Variants in ACTN2 observed in about 807,000 individuals in gnomAD.
The protein encoded by ACTN2 is alpha-actinin-2.
ACTN2 carries 39 observed loss-of-function variants against 113.8 expected under a neutral mutation model. The ratio of observed to expected loss-of-function variants is 0.34; its 90% CI spans 0.27 to 0.45. The LOEUF is 0.45. ACTN2 is among the 20% of genes least tolerant of loss of function. The pLI, the probability that ACTN2 is intolerant of heterozygous loss-of-function variation, is 1.00. For missense variants in ACTN2, 992 were observed against 1,177.9 expected (o/e 0.84, Z 2.31); for synonymous variants, 429 against 444.1 (o/e 0.97, Z 0.43).
chr1:236,725,287 G>A (rs1266773655), intron 4 of ACTN2, among the ~76,000 whole-genome samples: 1 of 152,106 alleles, frequency 6.6e-6, no homozygotes, highest in East Asian at 1.9e-4. Flanking sequence ...CCGAATAATA[G>A]GTGCCCCCAG....
chr1:236,724,019 C>A (rs1297772608), intron 4 of ACTN2, among the ~76,000 whole-genome samples: 4 of 152,116 alleles, frequency 2.6e-5, no homozygotes. Flanking sequence ...CTTTCCAGGC[C>A]TTTATAAAAA....
chr1:236,737,861 G>A (rs1249070035), intron 9 of ACTN2, among the ~76,000 whole-genome samples: 1 of 152,178 alleles, frequency 6.6e-6, no homozygotes, highest in African/African-American at 2.4e-5. Flanking sequence ...CGACTACGCA[G>A]TATCCTCGCT....
rs1276093203 is a variant in ACTN2 at position 236,743,714 on chromosome 1, C to G, written c.1255+671C>G. On this transcript the variant is annotated intron_variant, in intron 11 of 20. Transcript: ENST00000366578. ...TCTATGGTTTTTGCTTTTATTGTTG[C>G]TTGATTTTTAATATTTCATAGACAG... Among the ~76,000 whole-genome samples the G allele has an allele frequency of 2.0e-5, 3 of 151,856 alleles. No homozygotes were observed. In the East Asian group the frequency reaches 5.8e-4, roughly 29 times the overall value.
chr1:236,759,675 C>T (rs1659650071), intron 18 of ACTN2, 49 bp from the exon 19 acceptor site: 2 of 1,517,940 alleles, frequency 1.3e-6, no homozygotes, highest in African/African-American at 1.4e-5. Flanking sequence ...AGTAGAGTTG[C>T]TCATCTTGCC....
At position 236,751,672 on chromosome 1, in the gene ACTN2, G is replaced by C. The variant is rs1355785096; in HGVS notation, c.1839+20G>C. On this transcript the variant is annotated intron_variant, in intron 15 of 20. Coordinates refer to ENST00000366578, the MANE Select transcript of ACTN2 (RefSeq NM_001103.4). Reference sequence around the variant, plus strand: ...GACAAGGTGGGTGGCTGAGGGCCTGGTGTGGGACCAGGGGGCATTCTTGAA... The same window carrying C: ...GACAAGGTGGGTGGCTGAGGGCCTGCTGTGGGACCAGGGGGCATTCTTGAA... The C allele has an allele frequency of 6.2e-7, 1 of 1,613,878 alleles. No homozygotes were observed. The highest frequency in any genetic ancestry group is 1.7e-5 in the Admixed American group (1 of 60,022).
chr1:236,687,008 C>T (rs1048283427), intron 1 of ACTN2, among the ~76,000 whole-genome samples: 1 of 151,682 alleles, frequency 6.6e-6, no homozygotes, highest in African/African-American at 2.4e-5. Flanking sequence ...TGTGTGCGCG[C>T]GCGCTAGCAG....
intron 4 of ACTN2, among the ~76,000 whole-genome samples, chr1:236,721,022 G>GTTTTTTTTTTTTTTTTTTTTTT (rs869077774): frequency 7.5e-5 from 5 of 66,506 alleles, no homozygotes; most frequent in East Asian, 4.3e-4. Flanking sequence ...TTTGTTTTTT[G>GTTTTTTTTTTTTTTTTTTTTTT]TTTTTTTTTT....
intron 9 of ACTN2, among the ~76,000 whole-genome samples, 165 bp from the exon 10 acceptor site, chr1:236,739,137 G>A (rs1281383256): frequency 2.0e-5 from 3 of 152,026 alleles, no homozygotes; most frequent in Admixed American, 6.6e-5. Context: ...GGCCATGGGC[G>A]GACACTGAAC....
intron 4 of ACTN2, among the ~76,000 whole-genome samples, chr1:236,721,273 G>A (rs1487854098): frequency 4.0e-5 from 6 of 151,830 alleles, no homozygotes; most frequent in Admixed American, 6.6e-5. Flanking sequence ...TGATCCGCCC[G>A]CCTCAGCCTC....
intron 1 of ACTN2, among the ~76,000 whole-genome samples, chr1:236,695,373 C>G (rs55750424): frequency 9.3e-6 from 1 of 107,306 alleles, no homozygotes; most frequent in Admixed American, 1.1e-4. Flanking sequence ...GTGAGACTGT[C>G]TCAAAAAAAA....
chr1:236,733,954 T>A (rs1407558920), intron 7 of ACTN2, among the ~76,000 whole-genome samples: 1 of 152,206 alleles, frequency 6.6e-6, no homozygotes, highest in Non-Finnish European at 1.5e-5. Context: ...TTTACAAGGT[T>A]GTAAAAATTG....
chr1:236,751,297 G>C (rs937368534), intron 14 of ACTN2, among the ~76,000 whole-genome samples, 173 bp from the exon 15 acceptor site: 1 of 151,990 alleles, frequency 6.6e-6, no homozygotes, highest in African/African-American at 2.4e-5. Context: ...CATTTTCCAG[G>C]AACTTGACTT....
chr1:236,717,640 C>T (rs1029315819), intron 1 of ACTN2, among the ~76,000 whole-genome samples: 5 of 152,104 alleles, frequency 3.3e-5, no homozygotes, highest in Non-Finnish European at 4.4e-5. Context: ...GTTGGAATAT[C>T]CAATAAGAGA....
intron 15 of ACTN2, 23 bp downstream of exon 15, chr1:236,751,675 T>C: frequency 1.9e-6 from 3 of 1,613,684 alleles, no homozygotes; most frequent in Non-Finnish European, 2.5e-6. Flanking sequence ...GGGCCTGGTG[T>C]GGGACCAGGG....
intron 4 of ACTN2, among the ~76,000 whole-genome samples, chr1:236,724,751 A>T (rs935380421): frequency 2.6e-5 from 4 of 151,636 alleles, no homozygotes; most frequent in Non-Finnish European, 5.9e-5. Context: ...CTGGCACGTC[A>T]GTTGCCTGCC....
rs2102922642 is a variant in ACTN2 at position 236,739,481 on chromosome 1, G to A, written c.1056G>A (p.Leu352=). 2 of 1,614,190 alleles carry A rather than the reference G, an allele frequency of 1.2e-6. No homozygotes were observed. The highest frequency in any genetic ancestry group is 8.5e-7 in the Non-Finnish European group (1 of 1,180,034). The change falls in exon 10 of 21, where the codon CTG becomes CTA. Residue 352 remains leucine, a synonymous_variant. Coordinates refer to ENST00000366578, the MANE Select transcript of ACTN2 (RefSeq NM_001103.4). The part of the protein sequence containing the change: ...EINFNTLQTK[L]RISNRPAFMP... The stretch of plus-strand genomic sequence containing the variant: ...ACTTCAACACGCTGCAGACCAAGCT[G>A]CGGATCAGCAACCGTCCTGCCTTCA...
rs974812280 is a variant in ACTN2 at position 236,764,611 on chromosome 1, CTT to C, written c.*1993_*1994del. 2.0e-5 allele frequency: 3 copies of C among 152,014 alleles called. No homozygotes were observed. The highest frequency in any genetic ancestry group is 4.4e-5 in the Non-Finnish European group (3 of 68,004). The allele number at this position is 152,014 out of a possible 1,614,324, so 9.4% of individuals were successfully genotyped here. A position where few individuals can be genotyped will look rare whatever the true frequency, so the allele number is the denominator to read the frequency against. ...AACGTTTATAAGTTTCTAAATTAAA[CTT>C]AATTTATAAAAGAAAAAAGAATCCC... On this transcript the variant is annotated 3_prime_UTR_variant, in exon 21 of 21. Coordinates refer to ENST00000366578, the MANE Select transcript of ACTN2 (RefSeq NM_001103.4).
In ACTN2 at chr1:236,760,090, C is replaced by A. The variant is rs4348712; in HGVS notation, c.2367+301C>A. ...GTGAAACCTCTTCTCTACTAAAAATCCAAAAATTAGCCAGCTGTGGTGGCG... is the reference window on the plus strand; with the variant it reads ...GTGAAACCTCTTCTCTACTAAAAATACAAAAATTAGCCAGCTGTGGTGGCG... On this transcript the variant is annotated intron_variant, in intron 19 of 20. Transcript: ENST00000366578. 0.82 allele frequency among the ~76,000 whole-genome samples: 124,585 copies of A among 152,064 alleles called. 51,642 individuals are homozygous for A. Among genetic ancestry groups the A allele is most frequent in the Non-Finnish European group, 0.89 (60,804 of 68,006 alleles).
chr1:236,740,119 C>CT lies in ACTN2; in HGVS notation c.1107+598dup, dbSNP rs200227676. Among the ~76,000 whole-genome samples, 815 of 147,222 alleles carry CT rather than the reference C, an allele frequency of 5.5e-3. 6 individuals are homozygous for CT. Among genetic ancestry groups the CT allele is most frequent in the Middle Eastern group, 0.018 (5 of 274 alleles). ...CGCTCCCTCCCCACTCACTCACTCA[C>CT]TTTTTTTTTTTGGAGACGGAGTCTC... On this transcript the variant is annotated intron_variant, in intron 10 of 20. Coordinates refer to ENST00000366578, the MANE Select transcript of ACTN2 (RefSeq NM_001103.4).
Sources: gnomAD v4.1 joint callset for allele counts (sites outside exome capture counted in the v4.1 genomes callset) on GRCh38, gnomAD v4.1.1 for gene constraint, MANE v1.5 for transcripts, NCBI Gene and HGNC (gene_info 2026-07-23, HGNC 2026-07-21) for gene names.